BCO1: variants seen among roughly 807,000 people sequenced by gnomAD.
BCO1 encodes beta-carotene oxygenase 1.
BCO1 carries 54 observed loss-of-function variants against 56.3 expected under a neutral mutation model. That is an observed-to-expected ratio of 0.96 (90% confidence interval 0.77 to 1.20). The LOEUF (loss-of-function observed/expected upper bound fraction) is 1.20. Ranked by LOEUF, BCO1 falls within the 50% of genes most tolerant of loss-of-function variation. BCO1 has a pLI of 0.00. For missense variants in BCO1, 801 were observed against 690.9 expected (o/e 1.16, Z -1.79); for synonymous variants, 318 against 266.1 (o/e 1.20, Z -1.90).
intron 5 of BCO1, among the ~76,000 whole-genome samples, chr16:81,265,902 C>G (rs1906792081): frequency 6.6e-6 from 1 of 151,924 alleles, no homozygotes; most frequent in South Asian, 2.1e-4. Context: ...ATCCACCCAC[C>G]CAACATCCAT....
intron 2 of BCO1, among the ~76,000 whole-genome samples, chr16:81,254,878 C>T (rs565128409): frequency 6.6e-6 from 1 of 152,242 alleles, no homozygotes; most frequent in South Asian, 2.1e-4. Flanking sequence ...CTCACTGTAG[C>T]CTTGACCTCC....
At chr16:81,252,526 G>A (rs997929816) in intron 2 of BCO1, among the ~76,000 whole-genome samples, 2 of 152,192 alleles carry the variant, frequency 1.3e-5, no homozygotes, top group Admixed American at 6.5e-5. Flanking sequence ...AAAGTGCTGG[G>A]ATTATAGGCG....
At chr16:81,286,218 CACTT>C (rs1908172728) in intron 9 of BCO1, among the ~76,000 whole-genome samples, 1 of 152,142 alleles carries the variant, frequency 6.6e-6, no homozygotes, top group Non-Finnish European at 1.5e-5. Context: ...ATTTGTCAAA[CACTT>C]ACTGTGTTCT....
At chr16:81,256,251 G>A (rs1165225327) in intron 2 of BCO1, among the ~76,000 whole-genome samples, 1 of 152,072 alleles carries the variant, frequency 6.6e-6, no homozygotes, top group East Asian at 1.9e-4. Context: ...AATCGATGCT[G>A]GCTGTTAGTA....
chr16:81,283,692 C>T (rs899190009), intron 8 of BCO1, among the ~76,000 whole-genome samples: 1 of 152,090 alleles, frequency 6.6e-6, no homozygotes, highest in Admixed American at 6.5e-5. Flanking sequence ...CTTCCCATCT[C>T]AATACTTCAT....
intron 7 of BCO1, among the ~76,000 whole-genome samples, chr16:81,271,694 C>T (rs1273663869): frequency 6.6e-6 from 1 of 152,120 alleles, no homozygotes; most frequent in African/African-American, 2.4e-5. Context: ...TGTCAAGGCT[C>T]ATCTGTGTTG....
chr16:81,264,157 G>A (rs759798534), intron 4 of BCO1: 1 of 211,466 alleles, frequency 4.7e-6, no homozygotes, highest in African/African-American at 2.3e-5. Flanking sequence ...GTCTAAGAGA[G>A]GCCTAGAGAT....
rs746137348 is a variant in BCO1 at position 81,287,380 on chromosome 16, C to T, written c.1388C>T (p.Ala463Val). ...CWPAEPLFVPAPGAKDEDDGV... is the reference protein window; with the variant it reads ...CWPAEPLFVPVPGAKDEDDGV... ...CCAGCGGAACCCCTGTTTGTGCCCGCGCCAGGTGCCAAGGATGAGGATGAC... is the reference window on the plus strand; with the variant it reads ...CCAGCGGAACCCCTGTTTGTGCCCGTGCCAGGTGCCAAGGATGAGGATGAC... Residue 463 changes from alanine to valine, a missense_variant, in exon 10 of 11, where the codon GCG becomes GTG. Transcript: ENST00000258168. 27 of 1,613,856 alleles carry T rather than the reference C, an allele frequency of 1.7e-5. No homozygotes were observed. Among genetic ancestry groups the T allele is most frequent in the Admixed American group, 6.7e-5 (4 of 59,992 alleles).
At chr16:81,267,518 C>G (rs1906901773) in intron 5 of BCO1, among the ~76,000 whole-genome samples, 1 of 152,170 alleles carries the variant, frequency 6.6e-6, no homozygotes, top group Admixed American at 6.5e-5. Context: ...GAGGCTGAGG[C>G]AGGAGAATTG....
intron 7 of BCO1, among the ~76,000 whole-genome samples, chr16:81,278,678 G>C (rs1907695606): frequency 6.6e-6 from 1 of 152,142 alleles, no homozygotes; most frequent in Admixed American, 6.5e-5. Context: ...TGTTTCTTCT[G>C]AGACCTCAGG....
intron 6 of BCO1, among the ~76,000 whole-genome samples, chr16:81,269,584 C>T: frequency 6.6e-6 from 1 of 152,182 alleles, no homozygotes. Context: ...TCTCCTGCCT[C>T]CACCTCCTGA....
At chr16:81,285,677 G>C (rs1420457581) in intron 9 of BCO1, 43 bp downstream of exon 9, 1 of 1,385,976 alleles carries the variant, frequency 7.2e-7, no homozygotes, top group African/African-American at 1.4e-5. Context: ...TACAGTGATT[G>C]TGTCTATATG....
Position 81,249,481 on chromosome 16 carries a change from C to T in BCO1, c.193+3878C>T, listed in dbSNP as rs574437258. Among the ~76,000 whole-genome samples the T allele has an allele frequency of 3.4e-4, 52 of 152,314 alleles. No homozygotes were observed. In the South Asian group the frequency reaches 4.8e-3, roughly 14 times the overall value. ...CCGTGTTAGCCAGGATGGTCTTGAT[C>T]TCCTGACCTCGTGATCTGACCGCCT... On this transcript the variant is annotated intron_variant, in intron 2 of 10. Transcript: ENST00000258168.
chr16:81,278,744 A>G (rs552344307), intron 7 of BCO1, among the ~76,000 whole-genome samples: 2 of 152,160 alleles, frequency 1.3e-5, no homozygotes, highest in East Asian at 1.9e-4. Context: ...TCTACCAGCA[A>G]TGCTCTTGCT....
intron 5 of BCO1, among the ~76,000 whole-genome samples, chr16:81,267,562 G>T (rs1906903457): frequency 6.6e-6 from 1 of 152,202 alleles, no homozygotes; most frequent in Non-Finnish European, 1.5e-5. Context: ...GAAGTGGGCT[G>T]AGATCGTGCC....
At chr16:81,239,011 T>C in intron 1 of BCO1, 39 bp downstream of exon 1, 2 of 1,545,938 alleles carry the variant, frequency 1.3e-6, no homozygotes, top group Non-Finnish European at 1.7e-6. Context: ...TTCTTCTATT[T>C]ATTTTATTAT....
chr16:81,254,557 C>G (rs1489749012), intron 2 of BCO1, among the ~76,000 whole-genome samples: 1 of 151,842 alleles, frequency 6.6e-6, no homozygotes, highest in Non-Finnish European at 1.5e-5. Flanking sequence ...GCCACCACGC[C>G]TCCCCTCAAT....
chr16:81,254,904 C>A (rs908259141), intron 2 of BCO1, among the ~76,000 whole-genome samples: 1 of 152,136 alleles, frequency 6.6e-6, no homozygotes, highest in African/African-American at 2.4e-5. Flanking sequence ...TCAAGTGATC[C>A]TCCCGCCTCA....
At chr16:81,250,498 G>C (rs1597348460) in intron 2 of BCO1, among the ~76,000 whole-genome samples, 1 of 151,856 alleles carries the variant, frequency 6.6e-6, no homozygotes, top group East Asian at 1.9e-4. Context: ...AACACGTGGG[G>C]AAGTTGGGGT....
Sources: allele counts gnomAD v4.1 joint callset (sites outside exome capture counted in the v4.1 genomes callset), GRCh38; gene constraint gnomAD v4.1.1; transcripts MANE v1.5; gene names NCBI Gene and HGNC (gene_info 2026-07-23, HGNC 2026-07-21).